Variants in RAB3IP observed in about 807,000 individuals in gnomAD.
RAB3IP encodes the protein rab-3A-interacting protein.
A neutral mutation model predicts 59.1 loss-of-function variants in RAB3IP; 36 were observed. The observed-to-expected ratio is 0.61, with a 90% confidence interval of 0.47 to 0.80. The LOEUF is 0.80. RAB3IP is among the 30% of genes least tolerant of loss of function. The probability of loss-of-function intolerance (pLI) is 0.00; values close to 1 mark genes in which losing one functional copy is unlikely to be tolerated. For synonymous variants in RAB3IP, 207 were observed against 191.2 expected (o/e 1.08, Z -0.68); for missense variants, 511 against 536.0 (o/e 0.95, Z 0.46).
chr12:69,814,753 A>C (rs1880935831), intron 10 of RAB3IP, among the ~76,000 whole-genome samples: 1 of 152,190 alleles, frequency 6.6e-6, no homozygotes, highest in Non-Finnish European at 1.5e-5. Context: ...TCAAACGAAG[A>C]CCTTTTATTG....
chr12:69,753,509 C>A (rs931627973), intron 1 of RAB3IP, among the ~76,000 whole-genome samples: 3 of 152,016 alleles, frequency 2.0e-5, no homozygotes, highest in Non-Finnish European at 4.4e-5. Context: ...CCACCATGCC[C>A]AGCTAATTTT....
intron 4 of RAB3IP, among the ~76,000 whole-genome samples, chr12:69,788,472 C>G (rs886866757): frequency 2.0e-5 from 3 of 152,110 alleles, no homozygotes; most frequent in East Asian, 1.9e-4. Context: ...TATGGGACCA[C>G]TGTCATATAT....
chr12:69,781,018 G>A (rs1357596923), intron 3 of RAB3IP, among the ~76,000 whole-genome samples: 1 of 151,952 alleles, frequency 6.6e-6, no homozygotes, highest in Non-Finnish European at 1.5e-5. Context: ...AAATGTACTT[G>A]GGTTTATCCC....
chr12:69,747,357 T>C (rs2136105885), intron 1 of RAB3IP, among the ~76,000 whole-genome samples: 1 of 151,824 alleles, frequency 6.6e-6, no homozygotes, highest in South Asian at 2.1e-4. Flanking sequence ...AGAGGATCTT[T>C]CTCTGTTGCT....
Position 69,823,043 on chromosome 12 carries a change from A to G in RAB3IP, c.*7597A>G, listed in dbSNP as rs1030347245. On this transcript the variant is annotated 3_prime_UTR_variant, in exon 11 of 11. Coordinates refer to ENST00000247833, the MANE Select transcript of RAB3IP (RefSeq NM_022456.5). ...TGGAAGGAAGTTGTTGAATGTTTCC[A>G]ACATAAAGAAATGATAAGTGTTTGA... 3.3e-5 allele frequency: 5 copies of G among 152,196 alleles called. No individual in the cohort carries two copies. Among genetic ancestry groups the G allele is most frequent in the African/African-American group, 1.2e-4 (5 of 41,430 alleles). The allele number at this position is 152,196 out of a possible 1,614,324, so 9.4% of individuals were successfully genotyped here. A position where few individuals can be genotyped will look rare whatever the true frequency, so the allele number is the denominator to read the frequency against.
intron 3 of RAB3IP, among the ~76,000 whole-genome samples, chr12:69,771,636 T>C (rs193055757): frequency 2.1e-4 from 32 of 152,326 alleles, no homozygotes; most frequent in African/African-American, 7.2e-4. Context: ...CTCTTTGACA[T>C]ACTGATTTAC....
At chr12:69,778,467 T>A (rs1874025134) in intron 3 of RAB3IP, among the ~76,000 whole-genome samples, 1 of 148,624 alleles carries the variant, frequency 6.7e-6, no homozygotes. Context: ...AGGAACTGCG[T>A]TCCTTTGGAG....
intron 8 of RAB3IP, among the ~76,000 whole-genome samples, chr12:69,807,005 ATC>A (rs1267552076): frequency 4.6e-5 from 7 of 151,976 alleles, no homozygotes; most frequent in Non-Finnish European, 8.8e-5. Context: ...TAACAATCTG[ATC>A]TCTCTTTCTT....
At chr12:69,804,131 C>G (rs1370855751) in intron 8 of RAB3IP, among the ~76,000 whole-genome samples, 2 of 152,152 alleles carry the variant, frequency 1.3e-5, no homozygotes, top group African/African-American at 4.8e-5. Flanking sequence ...TAAAAGTGTT[C>G]CTATTTCTCT....
At chr12:69,806,700 G>A (rs1031683367) in intron 8 of RAB3IP, among the ~76,000 whole-genome samples, 2 of 151,320 alleles carry the variant, frequency 1.3e-5, no homozygotes, top group African/African-American at 2.4e-5. Context: ...AAAGGTCTCT[G>A]GTTTTCCTAG....
chr12:69,783,596 A>G (rs537905543), intron 3 of RAB3IP, among the ~76,000 whole-genome samples: 4 of 152,152 alleles, frequency 2.6e-5, no homozygotes, highest in Admixed American at 6.5e-5. Flanking sequence ...AGGACTGACT[A>G]TACAGGTTTT....
chr12:69,753,371 T>C (rs569358581), intron 1 of RAB3IP, among the ~76,000 whole-genome samples: 3 of 152,314 alleles, frequency 2.0e-5, no homozygotes, highest in East Asian at 3.9e-4. Flanking sequence ...TTTTTTATTT[T>C]TATTTTTTGA....
chr12:69,742,408 G>C (rs1448112509), intron 1 of RAB3IP, among the ~76,000 whole-genome samples: 3 of 151,994 alleles, frequency 2.0e-5, no homozygotes, highest in African/African-American at 7.3e-5. Flanking sequence ...TGTACCAGAT[G>C]GTACTCTTTT....
At chr12:69,758,390 C>T (rs1870567508) in intron 3 of RAB3IP, among the ~76,000 whole-genome samples, 1 of 151,978 alleles carries the variant, frequency 6.6e-6, no homozygotes. Context: ...TCCTTTTTCC[C>T]TTTTGTATCC....
intron 3 of RAB3IP, 110 bp downstream of exon 3, chr12:69,756,773 GT>G: frequency 1.1e-6 from 1 of 885,006 alleles, no homozygotes; most frequent in Non-Finnish European, 1.7e-6. Flanking sequence ...ACATTTATCC[GT>G]CACATATGCC....
At chr12:69,773,360 T>A (rs1459256914) in intron 3 of RAB3IP, among the ~76,000 whole-genome samples, 1 of 151,242 alleles carries the variant, frequency 6.6e-6, no homozygotes, top group Admixed American at 6.6e-5. Flanking sequence ...AATGTTCTGT[T>A]ATTATTTTTT....
At chr12:69,739,667 G>A (rs1887082205) in intron 1 of RAB3IP, 3 of 654,340 alleles carry the variant, frequency 4.6e-6, no homozygotes, top group Non-Finnish European at 8.0e-6. Flanking sequence ...CAAGTAGGCA[G>A]CTCCGTGCCG....
intron 6 of RAB3IP, 100 bp from the exon 7 acceptor site, chr12:69,800,109 C>T (rs1878146167): frequency 2.2e-6 from 2 of 896,484 alleles, no homozygotes; most frequent in Admixed American, 3.6e-5. Context: ...AAATGAAGAG[C>T]TTTTTTTCAG....
intron 3 of RAB3IP, among the ~76,000 whole-genome samples, chr12:69,779,916 G>A (rs1408337396): frequency 6.6e-6 from 1 of 152,132 alleles, no homozygotes; most frequent in African/African-American, 2.4e-5. Context: ...GTACACTGAT[G>A]TCTGCTTATT....
Sources: gnomAD v4.1 joint callset for allele counts (sites outside exome capture counted in the v4.1 genomes callset) on GRCh38, gnomAD v4.1.1 for gene constraint, MANE v1.5 for transcripts, NCBI Gene and HGNC (gene_info 2026-07-23, HGNC 2026-07-21) for gene names.